The following LSS variants were observed in gnomAD, a reference collection of about 807,000 sequenced individuals.
LSS encodes the protein lanosterol synthase, also known as 2,3-epoxysqualene-lanosterol cyclase.
LSS carries 90 observed loss-of-function variants against 110.3 expected under a neutral mutation model. That is an observed-to-expected ratio of 0.82 (90% CI 0.69 to 0.97). LSS has a LOEUF of 0.97. Ranked by LOEUF, LSS falls within the 50% of genes least tolerant of loss-of-function variation. The pLI is 0.00. For missense variants in LSS, 927 were observed against 990.0 expected, an observed-to-expected ratio of 0.94 and a Z score of 0.85; for synonymous variants, 433 against 400.0, an observed-to-expected ratio of 1.08 and a Z score of -0.98.
chr21:46,192,115 G>GCGCCT, intron 20 of LSS, 156 bp from the exon 21 acceptor site: 1 of 656,030 alleles, frequency 1.5e-6, no homozygotes, highest in Non-Finnish European at 2.8e-6. Flanking sequence ...GGTGCAGCCA[G>GCGCCT]CGCCTCGGGC....
At chr21:46,206,856 A>C (rs893162599) in intron 15 of LSS, 88 bp from the exon 16 acceptor site, 60 of 928,630 alleles carry the variant, frequency 6.5e-5, no homozygotes, top group Non-Finnish European at 9.9e-5. Flanking sequence ...TAGAGGCAAC[A>C]CTAGGGCTGA....
At chr21:46,217,490 C>T (rs1182959077) in intron 6 of LSS, among the ~76,000 whole-genome samples, 1 of 152,200 alleles carries the variant, frequency 6.6e-6, no homozygotes, top group Non-Finnish European at 1.5e-5. Flanking sequence ...CTTCCCTGCT[C>T]CCTGACTGTG....
chr21:46,191,989 A>G lies in LSS; in HGVS notation c.1989-30T>C, dbSNP rs770900272. The G allele has an allele frequency of 1.1e-5, 16 of 1,500,246 alleles. 1 individual carries two copies. In the South Asian group the frequency reaches 1.8e-4, roughly 17 times the overall value. 92.9% of individuals were successfully genotyped at this position (1,500,246 alleles called of 1,614,324 possible). A position where few individuals can be genotyped will look rare whatever the true frequency, so the allele number is the denominator to read the frequency against. On this transcript the variant is annotated intron_variant, in intron 20 of 21. Coordinates refer to ENST00000397728, the MANE Select transcript of LSS (RefSeq NM_002340.6). ...TGGAAGAGAAGGCTGAAACACACCC[A>G]GCATGCATGCCCCCACAGCATCATC... is the stretch of plus-strand genomic sequence containing the variant.
At position 46,215,213 on chromosome 21, in the gene LSS, G is replaced by A. The variant is rs142548719; in HGVS notation, c.978C>T (p.Asp326=). ...TGCTGATGCTCTTGGTGAATCGGTC[G>A]TCGGCCACAATGTGTTCATACAGCT... ...VQKLYEHIVA[D]DRFTKSISIG... is the part of the protein sequence containing the mutation. Residue 326 remains aspartate (D), a synonymous_variant, in exon 9 of 22, where the codon GAC becomes GAT. Coordinates refer to ENST00000397728, the MANE Select transcript of LSS (RefSeq NM_002340.6). 5.4e-5 allele frequency: 87 copies of A among 1,610,878 alleles called. No individual in the cohort carries two copies. Among genetic ancestry groups the A allele is most frequent in the African/African-American group, 1.6e-4 (12 of 74,864 alleles).
Position 46,216,393 on chromosome 21 carries a change from C to T in LSS, c.779G>A (p.Arg260His), listed in dbSNP as rs570157673. The change falls in exon 7 of 22, where the codon CGC becomes CAC. Residue 260 changes from arginine to histidine, a missense_variant. Arg to His is a conservative substitution (Grantham distance 29). Transcript: ENST00000397728. The surrounding 1 kb of genome is among the most constrained non-coding windows in gnomAD (Gnocchi z 4.2). Reference protein sequence around the residue: ...AAEDPLVQSLRQELYVEDFAS... With the variant: ...AAEDPLVQSLHQELYVEDFAS... ...TGTTCCCTGATGAGGTCCTACCTGGCGGAGGCTCTGGACCAGCGGGTCTTC... is the reference window on the plus strand; with the variant it reads ...TGTTCCCTGATGAGGTCCTACCTGGTGGAGGCTCTGGACCAGCGGGTCTTC... The T allele has an allele frequency of 1.2e-5, 19 of 1,613,780 alleles. No individual in the cohort carries two copies. The highest frequency in any genetic ancestry group is 2.2e-5 in the South Asian group (2 of 91,082).
intron 5 of LSS, among the ~76,000 whole-genome samples, chr21:46,219,834 C>T (rs188045647): frequency 5.9e-5 from 9 of 152,326 alleles, no homozygotes; most frequent in Admixed American, 1.3e-4. Flanking sequence ...GTGTTTGCAA[C>T]CCCTGGCCCC....
rs2079908031 is a variant in LSS at position 46,196,223 on chromosome 21, C to T, written c.1715G>A (p.Arg572Lys). 6.2e-7 allele frequency: 1 copy of T among 1,614,040 alleles called. No individual in the cohort carries two copies. Among genetic ancestry groups the T allele is most frequent in the African/African-American group, 1.3e-5 (1 of 74,940 alleles). Reference protein sequence around the residue: ...QGLEFCRRQQRADGSWEGSWG... With the variant: ...QGLEFCRRQQKADGSWEGSWG... Reference sequence around the variant, plus strand: ...TCACCCTTCCCAGGAGCCATCGGCCCTCTGCTGCCGCCGACAGAACTCTAA... The same window carrying T: ...TCACCCTTCCCAGGAGCCATCGGCCTTCTGCTGCCGCCGACAGAACTCTAA... Residue 572 changes from arginine (R) to lysine (K), a missense_variant, in exon 18 of 22, where the codon AGG becomes AAG. By Grantham distance (26) the Arg-to-Lys change is conservative. Transcript: ENST00000397728.
Position 46,189,600 on chromosome 21 carries a change from C to T in LSS, c.*1504G>A, listed in dbSNP as rs2079776029. 4.4e-6 allele frequency: 2 copies of T among 452,118 alleles called. No homozygotes were observed. The highest frequency in any genetic ancestry group is 4.0e-5 in the African/African-American group (2 of 50,012). The allele number at this position is 452,118 out of a possible 1,614,324, so 28.0% of individuals were successfully genotyped here. On this transcript the variant is annotated 3_prime_UTR_variant, in exon 22 of 22. Transcript: ENST00000397728. ...ACCTGGGTGAGAGCCCTGGACTGCA[C>T]ACCAAGGCAGAGGGGTGCCCCTGAA...
chr21:46,206,597 C>G (rs889311000), intron 16 of LSS, 75 bp downstream of exon 16: 1 of 1,280,710 alleles, frequency 7.8e-7, no homozygotes, highest in African/African-American at 1.5e-5. Flanking sequence ...GGGGGAAAAG[C>G]TGGCCCCCAG....
intron 4 of LSS, 157 bp downstream of exon 4, chr21:46,222,473 G>A (rs970873282): frequency 2.7e-5 from 17 of 626,510 alleles, no homozygotes; most frequent in Non-Finnish European, 4.4e-5. Flanking sequence ...ATGGCCTTCA[G>A]CCCACTCCCC....
At chr21:46,227,242 AC>A (rs1233368045) in intron 3 of LSS, 1 of 304,138 alleles carries the variant, frequency 3.3e-6, no homozygotes, top group African/African-American at 2.1e-5. Flanking sequence ...TGGGCCTTCC[AC>A]CTGGAATGTC....
intron 3 of LSS, among the ~76,000 whole-genome samples, chr21:46,223,820 G>C (rs1601450859): frequency 1.3e-5 from 2 of 152,242 alleles, no homozygotes; most frequent in Admixed American, 6.5e-5. Flanking sequence ...CCTTGGTCTA[G>C]TGGTAACGCC....
chr21:46,200,200 GTAAA>G (rs1374722659), intron 17 of LSS, among the ~76,000 whole-genome samples: 2 of 152,098 alleles, frequency 1.3e-5, no homozygotes, highest in Non-Finnish European at 2.9e-5. Context: ...TGATAAATAA[GTAAA>G]TAAACAGAGG....
At chr21:46,203,554 A>G (rs1230813116) in intron 17 of LSS, among the ~76,000 whole-genome samples, 1 of 152,254 alleles carries the variant, frequency 6.6e-6, no homozygotes, top group Non-Finnish European at 1.5e-5. Flanking sequence ...CTTTACTTTT[A>G]TTACAGTGAT....
chr21:46,191,899 G>A lies in LSS; in HGVS notation c.2049C>T (p.Pro683=). ...GGCATACCTGCGGCCAGTCGCCATT[G>A]GGGAGCTGTTTCTCAAGTAGACACC... is the stretch of plus-strand genomic sequence containing the variant. ...GVRCLLEKQL[P]NGDWPQENIA... The change falls in exon 21 of 22, where the codon CCC becomes CCT. Residue 683 remains proline, a synonymous_variant. Transcript: ENST00000397728. 1 of 1,613,472 alleles carries A rather than the reference G, an allele frequency of 6.2e-7. No individual in the cohort carries two copies. Among genetic ancestry groups the A allele is most frequent in the Non-Finnish European group, 8.5e-7 (1 of 1,179,848 alleles).
At chr21:46,201,982 G>C (rs182159796) in intron 17 of LSS, among the ~76,000 whole-genome samples, 64 of 151,090 alleles carry the variant, frequency 4.2e-4, no homozygotes, top group African/African-American at 1.5e-3. Context: ...ATTTTTAGTA[G>C]ACAAGGTTTC....
chr21:46,189,751 G>C lies in LSS; in HGVS notation c.*1353C>G, dbSNP rs964672188. ...ACCTGCCCAGAAGGCGGCAGGGAGG[G>C]GAAGAGCAGATAAGGAGGTATAGGG... On this transcript the variant is annotated 3_prime_UTR_variant, in exon 22 of 22. Coordinates refer to ENST00000397728, the MANE Select transcript of LSS (RefSeq NM_002340.6). 8 of 457,204 alleles carry C rather than the reference G, an allele frequency of 1.7e-5. No homozygotes were observed. Among genetic ancestry groups the C allele is most frequent in the Admixed American group, 4.7e-5 (2 of 42,598 alleles). 28.3% of individuals were successfully genotyped at this position (457,204 alleles called of 1,614,324 possible).
intron 4 of LSS, 147 bp downstream of exon 4, chr21:46,222,483 C>A (rs2280955): frequency 1.5e-6 from 1 of 653,990 alleles, no homozygotes; most frequent in South Asian, 1.9e-5. Context: ...GCCCACTCCC[C>A]GCCTGCTAGT....
intron 21 of LSS, 108 bp from the exon 22 acceptor site, chr21:46,191,343 C>T (rs2079812405): frequency 8.0e-7 from 1 of 1,252,166 alleles, no homozygotes; most frequent in African/African-American, 1.5e-5. Context: ...GGTGAGTCAG[C>T]CTGGAAAGGG....
Sources: allele counts gnomAD v4.1 joint callset (sites outside exome capture counted in the v4.1 genomes callset), GRCh38; gene constraint gnomAD v4.1.1; non-coding constraint Gnocchi (gnomAD v3.1); transcripts MANE v1.5; gene names NCBI Gene and HGNC (gene_info 2026-07-23, HGNC 2026-07-21).